The following PHF2 variants were observed in gnomAD, a reference collection of about 807,000 sequenced individuals.
PHF2 encodes lysine-specific demethylase PHF2.
In PHF2, 27 loss-of-function variants were observed where a neutral mutation model predicts 120.5. That is an observed-to-expected ratio of 0.22 (90% confidence interval 0.17 to 0.31). The LOEUF (loss-of-function observed/expected upper bound fraction) is 0.31, where lower values mean the gene tolerates loss of function less well. Among genes scored for constraint, PHF2 ranks in the 10% least tolerant of loss-of-function variants. PHF2 has a pLI of 1.00. For synonymous variants in PHF2, 568 were observed against 592.5 expected (o/e 0.96, Z 0.60); for missense variants, 1,024 against 1,434.8 (o/e 0.71, Z 4.63).
Position 93,618,598 on chromosome 9 carries a change from T to C in PHF2, c.99-11372T>C, listed in dbSNP as rs546849571. On this transcript the variant is annotated intron_variant, in intron 1 of 21. Coordinates refer to ENST00000359246, the MANE Select transcript of PHF2 (RefSeq NM_005392.4). Reference sequence around the variant, plus strand: ...AGGAATTGTACCATACGCATTCTTCTAAAACATGATGTTCTTCACTTAACA... The same window carrying C: ...AGGAATTGTACCATACGCATTCTTCCAAAACATGATGTTCTTCACTTAACA... 2.0e-5 allele frequency among the ~76,000 whole-genome samples: 3 copies of C among 152,396 alleles called. No individual in the cohort carries two copies. The South Asian group carries it at 6.2e-4, about 32-fold the overall frequency.
chr9:93,658,055 TG>T, intron 9 of PHF2, 89 bp from the exon 10 acceptor site: 1 of 814,152 alleles, frequency 1.2e-6, no homozygotes, highest in Non-Finnish European at 2.0e-6. Flanking sequence ...AGGCTGGACC[TG>T]GCATCCCCCG....
Position 93,576,842 on chromosome 9 carries a change from C to G in PHF2, c.69C>G (p.Cys23Trp). The G allele has an allele frequency of 7.8e-7, 1 of 1,284,414 alleles. No individual in the cohort carries two copies. Among genetic ancestry groups the G allele is most frequent in the Non-Finnish European group, 1.0e-6 (1 of 979,984 alleles). 79.6% of individuals were successfully genotyped at this position (1,284,414 alleles called of 1,614,324 possible). The part of the protein sequence containing the change: ...PYDVTRFMIE[C>W]DACKDWFHGS... The stretch of plus-strand genomic sequence containing the variant: ...ACGTTACCCGCTTCATGATCGAGTG[C>G]GACGCCTGCAAGGACTGGTTCCACG... Residue 23 changes from cysteine (C) to tryptophan (W), a missense_variant, in exon 1 of 22, where the codon TGC (cysteine) becomes TGG (tryptophan). By Grantham distance (215) the Cys-to-Trp change is radical. This residue lies in a region of PHF2 where 347 missense variants were observed against 577.4 expected (regional missense o/e 0.60). Coordinates refer to ENST00000359246, the MANE Select transcript of PHF2 (RefSeq NM_005392.4).
Position 93,667,112 on chromosome 9 carries a change from C to G in PHF2, c.2220C>G (p.His740Gln). ...ACTCCTCGGACGAGGGTTCGCTGCA[C>G]ATCGACACAGACACCAAGCCCGGCC... ...SDDSSDEGSL[H>Q]IDTDTKPGRN... Residue 740 changes from histidine (H) to glutamine (Q), a missense_variant, in exon 17 of 22, where the codon CAC becomes CAG. His to Gln is a conservative substitution (Grantham distance 24). Around this residue, in one of 2 missense-constraint regions of PHF2, gnomAD observed 677 missense variants for 857.4 expected, o/e 0.79. Coordinates refer to ENST00000359246, the MANE Select transcript of PHF2 (RefSeq NM_005392.4). 3 of 1,613,230 alleles carry G rather than the reference C, an allele frequency of 1.9e-6. No homozygotes were observed. Among genetic ancestry groups the G allele is most frequent in the Non-Finnish European group, 2.5e-6 (3 of 1,179,986 alleles).
intron 6 of PHF2, among the ~76,000 whole-genome samples, chr9:93,653,570 T>TG (rs1289973296): frequency 1.3e-5 from 2 of 152,112 alleles, no homozygotes; most frequent in African/African-American, 4.8e-5. Flanking sequence ...ACCGCATGAG[T>TG]GTCTCCTTGT....
chr9:93,584,807 G>A (rs527285996), intron 1 of PHF2, among the ~76,000 whole-genome samples: 6 of 152,330 alleles, frequency 3.9e-5, no homozygotes, highest in Non-Finnish European at 8.8e-5. Context: ...TAGGGATTGT[G>A]TTCAGCCTGT....
chr9:93,669,733 C>T (rs1218446700), intron 17 of PHF2, among the ~76,000 whole-genome samples: 1 of 152,196 alleles, frequency 6.6e-6, no homozygotes, highest in Non-Finnish European at 1.5e-5. Context: ...TCCAAGTTGC[C>T]TCACCAGCCC....
chr9:93,612,565 C>A (rs1302617638), intron 1 of PHF2, among the ~76,000 whole-genome samples: 1 of 152,222 alleles, frequency 6.6e-6, no homozygotes, highest in Admixed American at 6.5e-5. Flanking sequence ...AATCACTAGT[C>A]AGGCAGATAC....
In PHF2 at chr9:93,674,965, T is replaced by G. The variant is rs1826881714; in HGVS notation, c.2665T>G (p.Phe889Val). The G allele has an allele frequency of 6.2e-7, 1 of 1,613,930 alleles. No homozygotes were observed. The highest frequency in any genetic ancestry group is 8.5e-7 in the Non-Finnish European group (1 of 1,179,950). The change falls in exon 19 of 22, where the codon TTT (phenylalanine) becomes GTT (valine). Residue 889 changes from phenylalanine (F) to valine (V), a missense_variant. Transcript: ENST00000359246. ...GGAGTCAGATGAAGACAACCCCATC[T>G]TTAAGTCCCGGTCGAAGAAAAGGAA... ...SLESDEDNPIFKSRSKKRKGS... is the reference protein window; with the variant it reads ...SLESDEDNPIVKSRSKKRKGS...
chr9:93,676,223 T>A (rs1481036649), intron 20 of PHF2, among the ~76,000 whole-genome samples: 1 of 152,166 alleles, frequency 6.6e-6, no homozygotes, highest in Non-Finnish European at 1.5e-5. Flanking sequence ...TCCTAGAGCC[T>A]CACATACCCT....
chr9:93,653,385 G>T lies in PHF2; in HGVS notation c.789+20G>T. On this transcript the variant is annotated intron_variant, in intron 6 of 21. Coordinates refer to ENST00000359246, the MANE Select transcript of PHF2 (RefSeq NM_005392.4). Reference sequence around the variant, plus strand: ...CTCAAGGTGAGCCACGCCCCTCGGGGCACCTCTGCCTTGCCATGGCCATGA... The same window carrying T: ...CTCAAGGTGAGCCACGCCCCTCGGGTCACCTCTGCCTTGCCATGGCCATGA... 1.2e-6 allele frequency: 2 copies of T among 1,610,848 alleles called. No individual in the cohort carries two copies. Among genetic ancestry groups the T allele is most frequent in the Non-Finnish European group, 1.7e-6 (2 of 1,178,680 alleles).
intron 1 of PHF2, among the ~76,000 whole-genome samples, chr9:93,621,765 C>T (rs913608948): frequency 3.9e-5 from 6 of 152,056 alleles, no homozygotes; most frequent in East Asian, 3.9e-4. Context: ...TCCAGGACCC[C>T]GTGCCAATAT....
In PHF2 at chr9:93,673,633, G is replaced by T. The variant is rs1826849861; in HGVS notation, c.2397G>T (p.Leu799=). Residue 799 remains leucine, a synonymous_variant, in exon 18 of 22, where the codon CTG becomes CTT. Transcript: ENST00000359246. ...PSTQEAIQGM[L]SMANLQASDS... is the part of the protein sequence containing the mutation. ...CACAGGAAGCCATTCAGGGAATGCT[G>T]TCCATGGCCAACCTGCAGGCCTCCG... is the stretch of plus-strand genomic sequence containing the variant. The T allele has an allele frequency of 1.2e-6, 2 of 1,605,254 alleles. No individual in the cohort carries two copies. Among genetic ancestry groups the T allele is most frequent in the Non-Finnish European group, 1.7e-6 (2 of 1,174,504 alleles).
intron 12 of PHF2, among the ~76,000 whole-genome samples, chr9:93,661,511 A>T (rs894831532): frequency 2.0e-5 from 3 of 152,188 alleles, no homozygotes. Flanking sequence ...GGTTGAATGG[A>T]TTAACGAATG....
chr9:93,622,994 G>A (rs943333229), intron 1 of PHF2, among the ~76,000 whole-genome samples: 1 of 152,224 alleles, frequency 6.6e-6, no homozygotes, highest in Non-Finnish European at 1.5e-5. Flanking sequence ...GCAGAATCAG[G>A]TCAGGTTGGT....
intron 1 of PHF2, among the ~76,000 whole-genome samples, chr9:93,590,687 C>T (rs1426740376): frequency 6.6e-6 from 1 of 152,246 alleles, no homozygotes; most frequent in Non-Finnish European, 1.5e-5. Flanking sequence ...CTTACATCTC[C>T]GTGGCAGGAG....
Position 93,679,030 on chromosome 9 carries a change from GT to G in PHF2, c.*1358del, listed in dbSNP as rs1474821504. 2 of 333,426 alleles carry G rather than the reference GT, an allele frequency of 6.0e-6. No homozygotes were observed. The highest frequency in any genetic ancestry group is 1.8e-4 in the East Asian group (2 of 11,242). The allele number at this position is 333,426 out of a possible 1,614,324, so 20.7% of individuals were successfully genotyped here. ...TCTTCAACTTTAATACCAGCTCTTT[GT>G]TTTCCTTGTATGATGAGGGGATTGG... On this transcript the variant is annotated 3_prime_UTR_variant, in exon 22 of 22. Coordinates refer to ENST00000359246, the MANE Select transcript of PHF2 (RefSeq NM_005392.4).
intron 2 of PHF2, among the ~76,000 whole-genome samples, chr9:93,632,147 T>TG (rs1182579534): frequency 2.6e-5 from 4 of 152,198 alleles, no homozygotes; most frequent in Non-Finnish European, 5.9e-5. Flanking sequence ...CCCCTGTCCC[T>TG]GCAGGGAGTT....
At chr9:93,663,981 T>G (rs1267083759) in intron 14 of PHF2, among the ~76,000 whole-genome samples, 2 of 152,068 alleles carry the variant, frequency 1.3e-5, no homozygotes, top group Non-Finnish European at 2.9e-5. Context: ...ACCTGTAGTG[T>G]GGGTGTGAGG....
intron 1 of PHF2, among the ~76,000 whole-genome samples, chr9:93,620,416 G>C (rs73522232): frequency 0.044 from 6,649 of 152,318 alleles, 202 homozygotes; most frequent in African/African-American, 0.068. Flanking sequence ...GGCCTGGCTG[G>C]GGGATCCTTT....
Sources: allele counts gnomAD v4.1 joint callset (sites outside exome capture counted in the v4.1 genomes callset), GRCh38; gene constraint gnomAD v4.1.1; regional missense constraint gnomAD v4.1.1; transcripts MANE v1.5; gene names NCBI Gene and HGNC (gene_info 2026-07-23, HGNC 2026-07-21).